Variants in DNAH7 observed in about 807,000 individuals in gnomAD.
DNAH7 encodes the protein dynein axonemal heavy chain 7.
Under a neutral mutation model 444.6 loss-of-function variants are expected in DNAH7, and 397 were observed. That is an observed-to-expected ratio of 0.89 (90% CI 0.82 to 0.97). The LOEUF (loss-of-function observed/expected upper bound fraction) is 0.97, where lower values mean the gene tolerates loss of function less well. Ranked by LOEUF, DNAH7 falls within the 50% of genes least tolerant of loss-of-function variation. DNAH7 has a pLI of 0.00. For synonymous variants in DNAH7, 1,636 were observed against 1,624.4 expected, an observed-to-expected ratio of 1.01 and a Z score of -0.17; for missense variants, 4,902 against 4,800.8, an observed-to-expected ratio of 1.02 and a Z score of -0.62.
At chr2:195,833,257 C>T (rs1169293723) in intron 48 of DNAH7, among the ~76,000 whole-genome samples, 2 of 152,142 alleles carry the variant, frequency 1.3e-5, no homozygotes, top group Non-Finnish European at 2.9e-5. Flanking sequence ...TGAAATAACA[C>T]GTGTGCATGT....
chr2:195,790,068 T>C (rs1401647057), intron 57 of DNAH7, among the ~76,000 whole-genome samples: 1 of 152,124 alleles, frequency 6.6e-6, no homozygotes, highest in Non-Finnish European at 1.5e-5. Context: ...CACAATCCCA[T>C]TTATAATAGC....
At chr2:195,969,811 T>C (rs916952234) in intron 17 of DNAH7, 137 bp downstream of exon 17, 2 of 847,960 alleles carry the variant, frequency 2.4e-6, no homozygotes, top group South Asian at 2.1e-5. Flanking sequence ...AAAATCTATT[T>C]GTGTCATTCT....
At chr2:196,047,162 G>T (rs1697184109) in intron 5 of DNAH7, among the ~76,000 whole-genome samples, 190 bp downstream of exon 5, 1 of 152,112 alleles carries the variant, frequency 6.6e-6, no homozygotes, top group Non-Finnish European at 1.5e-5. Context: ...TACAACTCAT[G>T]ATATTTAGAA....
chr2:195,759,217 T>C (rs956143273), intron 61 of DNAH7, among the ~76,000 whole-genome samples: 1 of 152,098 alleles, frequency 6.6e-6, no homozygotes, highest in Admixed American at 6.5e-5. Flanking sequence ...CACAGTAGGA[T>C]GGGGCACCGG....
At chr2:195,882,950 T>C (rs1559180970) in intron 35 of DNAH7, among the ~76,000 whole-genome samples, 1 of 152,224 alleles carries the variant, frequency 6.6e-6, no homozygotes, top group Non-Finnish European at 1.5e-5. Context: ...CACTGTGCTT[T>C]ATTCATTCTT....
intron 21 of DNAH7, among the ~76,000 whole-genome samples, chr2:195,928,386 G>C (rs1688477721): frequency 6.6e-6 from 1 of 152,054 alleles, no homozygotes; most frequent in African/African-American, 2.4e-5. Context: ...AATATTATCA[G>C]ATATACATAA....
At chr2:195,930,000 T>A (rs1014986543) in intron 21 of DNAH7, among the ~76,000 whole-genome samples, 16 of 152,220 alleles carry the variant, frequency 1.1e-4, no homozygotes, top group African/African-American at 3.9e-4. Context: ...ATCCAGATTC[T>A]ATAAGGAACT....
At chr2:195,765,084 A>G (rs924556214) in intron 61 of DNAH7, among the ~76,000 whole-genome samples, 7 of 152,212 alleles carry the variant, frequency 4.6e-5, no homozygotes, top group Non-Finnish European at 1.0e-4. Flanking sequence ...ATAAATCCAT[A>G]CATCTACAGT....
intron 7 of DNAH7, 64 bp from the exon 8 acceptor site, chr2:196,024,568 AT>A (rs759737832): frequency 1.0e-5 from 9 of 882,154 alleles, no homozygotes; most frequent in Non-Finnish European, 1.5e-5. Context: ...TTTCCAAGCA[AT>A]TGCAAAGCTA....
chr2:195,842,760 G>T (rs1334526651), intron 47 of DNAH7, among the ~76,000 whole-genome samples: 1 of 152,000 alleles, frequency 6.6e-6, no homozygotes, highest in East Asian at 1.9e-4. Flanking sequence ...TCACTGAATG[G>T]TTTAGAATCT....
chr2:195,776,422 G>A (rs150610674), intron 59 of DNAH7, among the ~76,000 whole-genome samples: 140 of 151,342 alleles, frequency 9.3e-4, no homozygotes, highest in African/African-American at 3.3e-3. Flanking sequence ...CAGCCTGGGC[G>A]AGAAGAGTGA....
At position 195,957,119 on chromosome 2, in the gene DNAH7, T is replaced by C. The variant is rs998103433; in HGVS notation, c.3078+142A>G. ...GCGACATTTTCTGCTCCTGGCATTC[T>C]AAAATAATAGCTGAAAAGACAATGT... is the stretch of plus-strand genomic sequence containing the variant. On this transcript the variant is annotated intron_variant, in intron 19 of 64. Coordinates refer to ENST00000312428, the MANE Select transcript of DNAH7 (RefSeq NM_018897.3). The C allele has an allele frequency of 4.2e-6, 3 of 710,902 alleles. No individual in the cohort carries two copies. In the African/African-American group the frequency reaches 5.5e-5, roughly 13 times the overall value. The allele number at this position is 710,902 out of a possible 1,614,324, so 44.0% of individuals were successfully genotyped here.
Position 195,881,886 on chromosome 2 carries a change from C to T in DNAH7, c.5870G>A (p.Arg1957Gln), listed in dbSNP as rs200790432. Residue 1957 changes from arginine to glutamine, a missense_variant, in exon 36 of 65, where the codon CGA (arginine) becomes CAA (glutamine). By Grantham distance (43) the Arg-to-Gln change is conservative. Coordinates refer to ENST00000312428, the MANE Select transcript of DNAH7 (RefSeq NM_018897.3). ...EIIVPTLDTI[R>Q]YSALMELLTT... Reference sequence around the variant, plus strand: ...CAGCAATTCCATTAATGCAGAGTATCGAATTGTGTCCAGAGTTGGCACAAT... The same window carrying T: ...CAGCAATTCCATTAATGCAGAGTATTGAATTGTGTCCAGAGTTGGCACAAT... The T allele has an allele frequency of 1.1e-5, 17 of 1,613,906 alleles. No individual in the cohort carries two copies. The highest frequency in any genetic ancestry group is 7.7e-5 in the South Asian group (7 of 91,072).
intron 15 of DNAH7, among the ~76,000 whole-genome samples, chr2:195,980,070 A>G (rs1205424861): frequency 7.0e-6 from 1 of 142,382 alleles, no homozygotes; most frequent in African/African-American, 3.0e-5. Context: ...ACAAAAAAAA[A>G]AAAAAAAAAA....
chr2:195,950,448 G>T (rs1179422422), intron 19 of DNAH7, among the ~76,000 whole-genome samples: 2 of 152,012 alleles, frequency 1.3e-5, no homozygotes, highest in East Asian at 3.9e-4. Context: ...TGGGGCCGGT[G>T]GTGATATCCC....
At chr2:195,739,927 T>C (rs1213728296) in intron 64 of DNAH7, among the ~76,000 whole-genome samples, 3 of 152,238 alleles carry the variant, frequency 2.0e-5, no homozygotes, top group Non-Finnish European at 2.9e-5. Flanking sequence ...TTTTGTGTTT[T>C]TGTTGGCGAT....
intron 5 of DNAH7, among the ~76,000 whole-genome samples, chr2:196,042,086 A>C (rs980788756): frequency 6.6e-6 from 1 of 152,058 alleles, no homozygotes; most frequent in African/African-American, 2.4e-5. Flanking sequence ...GGATGTAGAG[A>C]AAGAGAATTC....
At position 196,047,472 on chromosome 2, in the gene DNAH7, T is replaced by G; in HGVS notation, c.278A>C (p.Lys93Thr). The G allele has an allele frequency of 6.3e-7, 1 of 1,594,956 alleles. No homozygotes were observed. The highest frequency in any genetic ancestry group is 8.6e-7 in the Non-Finnish European group (1 of 1,169,412). Residue 93 changes from lysine (K) to threonine (T), a missense_variant, in exon 5 of 65, where the codon AAG (lysine) becomes ACG (threonine). Coordinates refer to ENST00000312428, the MANE Select transcript of DNAH7 (RefSeq NM_018897.3). Reference sequence around the variant, plus strand: ...ATCAACTTGGTGGGGTAATTTGCCCTTTTTTCCAAAACGTTCCATGTATTC... The same window carrying G: ...ATCAACTTGGTGGGGTAATTTGCCCGTTTTTCCAAAACGTTCCATGTATTC... ...HAEYMERFGK[K>T]GKLPHQVDDS... is the part of the protein sequence containing the mutation.
intron 17 of DNAH7, 145 bp from the exon 18 acceptor site, chr2:195,961,090 A>G (rs1275694898): frequency 1.0e-5 from 6 of 573,024 alleles, no homozygotes; most frequent in Non-Finnish European, 1.6e-5. Context: ...AGAAAAACAG[A>G]GCAGTAATCT....
Sources: gnomAD v4.1 joint callset for allele counts (sites outside exome capture counted in the v4.1 genomes callset) on GRCh38, gnomAD v4.1.1 for gene constraint, MANE v1.5 for transcripts, NCBI Gene and HGNC (gene_info 2026-07-23, HGNC 2026-07-21) for gene names.